The following KANSL1 variants were observed in gnomAD, a reference collection of about 807,000 sequenced individuals.
The protein encoded by KANSL1 is KAT8 regulatory NSL complex subunit 1, also known as MLL1/MLL complex subunit KANSL1.
KANSL1 carries 22 observed loss-of-function variants against 103.6 expected under a neutral mutation model. The observed-to-expected ratio is 0.21, with a 90% CI of 0.15 to 0.30. KANSL1 has a LOEUF of 0.30. KANSL1 is among the 10% of genes least tolerant of loss of function. KANSL1 has a pLI of 1.00. For synonymous variants in KANSL1, 600 were observed against 527.6 expected, an observed-to-expected ratio of 1.14 and a Z score of -1.88; for missense variants, 1,337 against 1,399.8, an observed-to-expected ratio of 0.96 and a Z score of 0.72.
intron 2 of KANSL1, among the ~76,000 whole-genome samples, chr17:46,126,584 G>T (rs1414108771): frequency 2.6e-5 from 4 of 152,152 alleles, no homozygotes; most frequent in African/African-American, 9.7e-5. Flanking sequence ...ATAAAGGGGG[G>T]CTTTAAAACA....
chr17:46,094,501 GAA>G, intron 3 of KANSL1, 57 bp downstream of exon 3: 14 of 1,573,480 alleles, frequency 8.9e-6, no homozygotes, highest in Non-Finnish European at 1.1e-5. Context: ...GGGGATGTGA[GAA>G]AAGCGATATT....
intron 2 of KANSL1, among the ~76,000 whole-genome samples, chr17:46,100,842 C>A (rs191948873): frequency 6.6e-5 from 10 of 152,340 alleles, no homozygotes; most frequent in Non-Finnish European, 1.2e-4. Context: ...ATTAAGGCAA[C>A]AAACATGCCA....
chr17:46,062,091 CAA>C (rs35638067), intron 6 of KANSL1, among the ~76,000 whole-genome samples: 22 of 70,062 alleles, frequency 3.1e-4, no homozygotes, highest in East Asian at 2.6e-3. Context: ...GACTCCGACT[CAA>C]AAAAAAAAAA....
rs766303927 is a variant in KANSL1, at chr17:46,171,191, T to C, written c.953A>G (p.Gln318Arg). ...CTCCAAAAATCCACCCAGCTGATGT[T>C]GTATATGCCTCTCAACCTGCTTGGC... ...VQAKQVERHI[Q>R]HQLGGFLEKT... is the part of the protein sequence containing the mutation. Residue 318 changes from glutamine to arginine, a missense_variant, in exon 2 of 15, where the codon CAA (glutamine) becomes CGA (arginine). Gln to Arg is a conservative substitution (Grantham distance 43, BLOSUM62 1). Around this residue, in one of 2 missense-constraint regions of KANSL1, gnomAD observed 557 missense variants for 476.4 expected, o/e 1.17. Coordinates refer to ENST00000432791, the MANE Select transcript of KANSL1 (RefSeq NM_015443.4). 1.2e-6 allele frequency: 2 copies of C among 1,614,122 alleles called. No homozygotes were observed. Among genetic ancestry groups the C allele is most frequent in the Non-Finnish European group, 1.7e-6 (2 of 1,180,046 alleles).
intron 3 of KANSL1, among the ~76,000 whole-genome samples, chr17:46,086,287 TA>T (rs2079160645): frequency 6.6e-6 from 1 of 152,176 alleles, no homozygotes; most frequent in Non-Finnish European, 1.5e-5. Context: ...GAGAGTATAA[TA>T]AAACTTGGTA....
intron 2 of KANSL1, among the ~76,000 whole-genome samples, chr17:46,112,368 CAAAAAAAAAA>C (rs34480982): frequency 2.0e-4 from 10 of 51,108 alleles, no homozygotes; most frequent in African/African-American, 3.6e-4. Flanking sequence ...AACTCTGTCT[CAAAAAAAAAA>C]AAAAAAAAAA....
intron 1 of KANSL1, among the ~76,000 whole-genome samples, chr17:46,184,087 C>T (rs1034736761): frequency 6.6e-6 from 1 of 152,128 alleles, no homozygotes; most frequent in African/African-American, 2.4e-5. Context: ...TACTTTTTAC[C>T]ATAAATATTT....
intron 2 of KANSL1, among the ~76,000 whole-genome samples, chr17:46,133,186 G>A (rs1482091814): frequency 6.6e-6 from 1 of 152,130 alleles, no homozygotes; most frequent in Non-Finnish European, 1.5e-5. Flanking sequence ...TTTTTAATGG[G>A]CAAAATTAAC....
At chr17:46,080,311 T>C (rs2078937148) in intron 4 of KANSL1, among the ~76,000 whole-genome samples, 1 of 38,910 alleles carries the variant, frequency 2.6e-5, no homozygotes, top group Non-Finnish European at 7.9e-5. Flanking sequence ...AGAGCCTGTC[T>C]TAAAAAAAAA....
chr17:46,085,343 T>A (rs997684973), intron 3 of KANSL1, among the ~76,000 whole-genome samples: 1 of 152,216 alleles, frequency 6.6e-6, no homozygotes, highest in African/African-American at 2.4e-5. Context: ...CAAGAAAATG[T>A]CCCGGGTTAA....
chr17:46,168,001 G>A (rs1252579957), intron 2 of KANSL1, among the ~76,000 whole-genome samples: 2 of 152,182 alleles, frequency 1.3e-5, no homozygotes, highest in African/African-American at 4.8e-5. Flanking sequence ...CTGCCTAGAC[G>A]AAACCTAGCC....
intron 2 of KANSL1, among the ~76,000 whole-genome samples, chr17:46,164,838 G>A (rs1034798872): frequency 3.9e-5 from 6 of 152,190 alleles, no homozygotes; most frequent in African/African-American, 9.7e-5. Context: ...TAGAAAAATG[G>A]TTACATTAGT....
rs1567676201 is a variant in KANSL1, at chr17:46,101,776, A to AAAAG, written c.1290-7079_1290-7076dup. ...CTACAAAAAAAAAAAAAAAAAAAAA[A>AAAAG]AAAGAAATAACAATTTAGTCATTAT... On this transcript the variant is annotated intron_variant, in intron 2 of 14. Coordinates refer to ENST00000432791, the MANE Select transcript of KANSL1 (RefSeq NM_015443.4). 6.7e-5 allele frequency among the ~76,000 whole-genome samples: 10 copies of AAAAG among 149,576 alleles called. 1 individual carries two copies. The highest frequency in any genetic ancestry group is 1.0e-4 in the Non-Finnish European group (7 of 67,384).
At chr17:46,103,889 G>A (rs1475975710) in intron 2 of KANSL1, among the ~76,000 whole-genome samples, 7 of 152,198 alleles carry the variant, frequency 4.6e-5, no homozygotes, top group Middle Eastern at 3.2e-3. Flanking sequence ...TTGGCCAGGC[G>A]TGGTGGCCTG....
intron 2 of KANSL1, among the ~76,000 whole-genome samples, chr17:46,150,944 A>C (rs1597808745): frequency 6.8e-6 from 1 of 147,878 alleles, no homozygotes; most frequent in Non-Finnish European, 1.5e-5. Flanking sequence ...AAAAAAAAAA[A>C]ACACGAGTAT....
intron 2 of KANSL1, among the ~76,000 whole-genome samples, chr17:46,134,963 T>C (rs1005824488): frequency 1.2e-4 from 19 of 152,334 alleles, no homozygotes; most frequent in African/African-American, 3.6e-4. Context: ...GGAAATCTTG[T>C]AGAGACCAGT....
At chr17:46,146,173 T>C (rs951155734) in intron 2 of KANSL1, among the ~76,000 whole-genome samples, 6 of 152,200 alleles carry the variant, frequency 3.9e-5, no homozygotes, top group Non-Finnish European at 7.3e-5. Context: ...TGAAAAGCAC[T>C]AAAATAAATG....
chr17:46,136,415 T>G (rs1004946284), intron 2 of KANSL1, among the ~76,000 whole-genome samples: 1 of 152,238 alleles, frequency 6.6e-6, no homozygotes, highest in Non-Finnish European at 1.5e-5. Flanking sequence ...TAGTAGTATA[T>G]AGAGACGGAC....
chr17:46,058,707 TAA>T (rs1568398332), intron 6 of KANSL1, among the ~76,000 whole-genome samples: 5 of 133,922 alleles, frequency 3.7e-5, no homozygotes, highest in East Asian at 2.3e-4. Flanking sequence ...AAGCCAGATT[TAA>T]AACACACACA....
Sources: allele counts gnomAD v4.1 joint callset (sites outside exome capture counted in the v4.1 genomes callset), GRCh38; gene constraint gnomAD v4.1.1; regional missense constraint gnomAD v4.1.1; transcripts MANE v1.5; gene names NCBI Gene and HGNC (gene_info 2026-07-23, HGNC 2026-07-21).